PLEKHM2: variants seen among roughly 807,000 people sequenced by gnomAD.
The protein encoded by PLEKHM2 is pleckstrin homology domain-containing family M member 2.
In PLEKHM2, 77 loss-of-function variants were observed where a neutral mutation model predicts 116.3. The ratio of observed to expected loss-of-function variants is 0.66; its 90% confidence interval spans 0.55 to 0.80. The LOEUF (loss-of-function observed/expected upper bound fraction) is 0.80. Ranked by LOEUF, PLEKHM2 falls within the 30% of genes least tolerant of loss-of-function variation. PLEKHM2 has a pLI of 0.00. For missense variants in PLEKHM2, 1,183 were observed against 1,354.9 expected (o/e 0.87, Z 1.99); for synonymous variants, 562 against 571.0 (o/e 0.98, Z 0.22).
chr1:15,734,248 G>A lies in PLEKHM2; in HGVS notation c.*314G>A. The A allele has an allele frequency of 2.9e-6, 1 of 347,064 alleles. No individual in the cohort carries two copies. Among genetic ancestry groups the A allele is most frequent in the South Asian group, 4.9e-5 (1 of 20,372 alleles). The allele number at this position is 347,064 out of a possible 1,614,324, so 21.5% of individuals were successfully genotyped here. On this transcript the variant is annotated 3_prime_UTR_variant, in exon 20 of 20. Coordinates refer to ENST00000375799, the MANE Select transcript of PLEKHM2 (RefSeq NM_015164.4). ...CCTCAGTCTGCAGAATTTCTGCCGAGTGGCACCGAGAACACCATCCATCTA... is the reference window on the plus strand; with the variant it reads ...CCTCAGTCTGCAGAATTTCTGCCGAATGGCACCGAGAACACCATCCATCTA...
chr1:15,733,809 C>T lies in PLEKHM2; in HGVS notation c.2935C>T (p.His979Tyr), dbSNP rs756795422. 9.3e-6 allele frequency: 15 copies of T among 1,612,878 alleles called. No individual in the cohort carries two copies. The highest frequency in any genetic ancestry group is 3.3e-5 in the South Asian group (3 of 91,082). The change falls in exon 20 of 20, where the codon CAC becomes TAC. Residue 979 changes from histidine to tyrosine, a missense_variant. Transcript: ENST00000375799. The part of the protein sequence containing the change: ...WKTIYQVDLP[H>Y]TAIQEASNKK... ...CGCCCCAACACAGGTGGACCTCCCC[C>T]ACACGGCGATCCAGGAAGCCTCCAA...
chr1:15,683,508 G>A (rs962626859), upstream of PLEKHM2, among the ~76,000 whole-genome samples: 1 of 151,072 alleles, frequency 6.6e-6, no homozygotes, highest in African/African-American at 2.4e-5. Context: ...GGGGTCTCAG[G>A]GTCTGTGGGG....
At chr1:15,696,499 C>T (rs557478759) in intron 1 of PLEKHM2, among the ~76,000 whole-genome samples, 13 of 152,052 alleles carry the variant, frequency 8.5e-5, no homozygotes, top group Non-Finnish European at 1.9e-4. Flanking sequence ...TATAGGCGCC[C>T]GCCACCACGC....
upstream of PLEKHM2, chr1:15,681,543 T>A (rs775455855): frequency 1.1e-5 from 5 of 474,520 alleles, no homozygotes; most frequent in Non-Finnish European, 2.1e-5. Context: ...GGCCTGCTAT[T>A]CAACAGCAGA....
At position 15,734,226 on chromosome 1, in the gene PLEKHM2, C is replaced by CGGGCAGAA. The variant is rs2068191830; in HGVS notation, c.*292_*293insGGGCAGAA. 2.5e-6 allele frequency: 1 copy of CGGGCAGAA among 399,292 alleles called. No homozygotes were observed. Among genetic ancestry groups the CGGGCAGAA allele is most frequent in the Non-Finnish European group, 4.5e-6 (1 of 222,662 alleles). The allele number at this position is 399,292 out of a possible 1,614,324, so 24.7% of individuals were successfully genotyped here. ...ACGCCCTCCTCCCGGGCCTCCGCCTCAGTCTGCAGAATTTCTGCCGAGTGG... is the reference window on the plus strand; with the variant it reads ...ACGCCCTCCTCCCGGGCCTCCGCCTCGGGCAGAAAGTCTGCAGAATTTCTGCCGAGTGG... On this transcript the variant is annotated 3_prime_UTR_variant, in exon 20 of 20. Coordinates refer to ENST00000375799, the MANE Select transcript of PLEKHM2 (RefSeq NM_015164.4).
intron 4 of PLEKHM2, 95 bp from the exon 5 acceptor site, chr1:15,718,443 C>T (rs528184712): frequency 1.6e-5 from 12 of 746,072 alleles, no homozygotes; most frequent in Non-Finnish European, 2.1e-5. Flanking sequence ...GAGGACATCA[C>T]GTGTCAGATT....
At chr1:15,693,136 G>A (rs182159093) in intron 1 of PLEKHM2, among the ~76,000 whole-genome samples, 6 of 151,742 alleles carry the variant, frequency 4.0e-5, no homozygotes, top group African/African-American at 1.5e-4. Context: ...CACCTCCTGG[G>A]TTCAAGAGAT....
chr1:15,717,881 CTT>C lies in PLEKHM2; in HGVS notation c.278-10_278-9del. 1 of 1,563,118 alleles carries C rather than the reference CTT, an allele frequency of 6.4e-7. No individual in the cohort carries two copies. The highest frequency in any genetic ancestry group is 8.7e-7 in the Non-Finnish European group (1 of 1,147,290). ...AGGCCTTCCTGCCGGTTACTCCTGCCTTTGTTTGCAGGCCGTGCCTGGCTGTA... is the reference window on the plus strand; with the variant it reads ...AGGCCTTCCTGCCGGTTACTCCTGCCTGTTTGCAGGCCGTGCCTGGCTGTA... On this transcript the variant is annotated splice_polypyrimidine_tract_variant and intron_variant, in intron 3 of 19. Transcript: ENST00000375799.
chr1:15,725,333 C>T lies in PLEKHM2; in HGVS notation c.729C>T (p.Asp243=). 1 of 1,551,024 alleles carries T rather than the reference C, an allele frequency of 6.4e-7. No individual in the cohort carries two copies. Among genetic ancestry groups the T allele is most frequent in the Non-Finnish European group, 8.7e-7 (1 of 1,146,760 alleles). The change falls in exon 8 of 20, where the codon GAC becomes GAT. Residue 243 remains aspartate, a synonymous_variant. Transcript: ENST00000375799. ...STDWEDGDLT[D]TVSGPRSTAS... ...TCCTCCCAGATGGAGACCTCACAGA[C>T]ACGGTCAGTGGTCCCCGCTCCACAG... is the stretch of plus-strand genomic sequence containing the variant.
At chr1:15,720,238 G>A (rs989503257) in intron 6 of PLEKHM2, 51 of 591,558 alleles carry the variant, frequency 8.6e-5, no homozygotes, top group African/African-American at 1.0e-4. Context: ...AGGTTTAGCA[G>A]TGGGACCTGG....
At position 15,733,835 on chromosome 1, in the gene PLEKHM2, C is replaced by T. The variant is rs189025469; in HGVS notation, c.2961C>T (p.Asn987=). The T allele has an allele frequency of 4.3e-6, 7 of 1,613,154 alleles. No individual in the cohort carries two copies. Among genetic ancestry groups the T allele is most frequent in the Non-Finnish European group, 5.9e-6 (7 of 1,179,852 alleles). Residue 987 remains asparagine, a synonymous_variant, in exon 20 of 20, where the codon AAC becomes AAT. Transcript: ENST00000375799. The part of the protein sequence containing the change: ...LPHTAIQEAS[N]KKKFEDALSL... ...ACACGGCGATCCAGGAAGCCTCCAACAAGAAGAAATTCGAGGATGCCTTGA... is the reference window on the plus strand; with the variant it reads ...ACACGGCGATCCAGGAAGCCTCCAATAAGAAGAAATTCGAGGATGCCTTGA...
chr1:15,732,335 C>G lies in PLEKHM2; in HGVS notation c.2626-15C>G, dbSNP rs757040654. The G allele has an allele frequency of 6.5e-6, 10 of 1,546,560 alleles. No individual in the cohort carries two copies. In the South Asian group the frequency reaches 1.2e-4, roughly 19 times the overall value. On this transcript the variant is annotated splice_polypyrimidine_tract_variant and intron_variant, in intron 17 of 19. Transcript: ENST00000375799. ...CTGGAGGCCCCAGCCTGCCTCTCCCCTGCCCCGCTGCCAGGTCATCCCCCA... is the reference window on the plus strand; with the variant it reads ...CTGGAGGCCCCAGCCTGCCTCTCCCGTGCCCCGCTGCCAGGTCATCCCCCA...
intron 1 of PLEKHM2, among the ~76,000 whole-genome samples, chr1:15,705,338 T>C (rs768487548): frequency 1.3e-5 from 2 of 151,828 alleles, no homozygotes; most frequent in South Asian, 2.1e-4. Flanking sequence ...CGTGCCATCA[T>C]GTCCGACTAA....
chr1:15,706,467 ACGATCTCGGCTCACTGCAACCTCTGC>A (rs367910381), intron 1 of PLEKHM2, among the ~76,000 whole-genome samples: 3,875 of 152,190 alleles, frequency 0.025, 168 homozygotes, highest in African/African-American at 0.087. Context: ...GTGCAGTGGC[ACGATCTCGGCTCACTGCAACCTCTGC>A]CTCCCAGGTT....
upstream of PLEKHM2, among the ~76,000 whole-genome samples, chr1:15,683,768 A>AG (rs1006723391): frequency 2.6e-5 from 2 of 75,770 alleles, no homozygotes; most frequent in Non-Finnish European, 5.3e-5. Flanking sequence ...CTGAGGTCCC[A>AG]GGGGGGAGTC....
In PLEKHM2 at chr1:15,729,832, A is replaced by G. The variant is rs375148841; in HGVS notation, c.2111A>G (p.Lys704Arg). The part of the protein sequence containing the change: ...FLASLKSAMI[K>R]GCREPPYPSI... Reference sequence around the variant, plus strand: ...GCTTCTTTGAAGTCAGCCATGATCAAAGGCTGTCGAGAACCTCCCTACCCC... The same window carrying G: ...GCTTCTTTGAAGTCAGCCATGATCAGAGGCTGTCGAGAACCTCCCTACCCC... Residue 704 changes from lysine (K) to arginine (R), a missense_variant, in exon 14 of 20, where the codon AAA becomes AGA. Around this residue, in one of 3 missense-constraint regions of PLEKHM2, gnomAD observed 594 missense variants for 720.1 expected, o/e 0.82. Coordinates refer to ENST00000375799, the MANE Select transcript of PLEKHM2 (RefSeq NM_015164.4). This position sits in a 1 kb window ranked among gnomAD's most constrained non-coding sequence, Gnocchi z 4.7. The G allele has an allele frequency of 1.9e-6, 3 of 1,613,234 alleles. No individual in the cohort carries two copies. The African/African-American group carries it at 4.0e-5, about 22-fold the overall frequency.
intron 7 of PLEKHM2, among the ~76,000 whole-genome samples, chr1:15,723,841 C>T (rs1014701523): frequency 2.0e-5 from 3 of 152,174 alleles, no homozygotes; most frequent in African/African-American, 7.2e-5. Flanking sequence ...CTGGTTGGGC[C>T]CCCAGTGGGG....
Position 15,728,823 on chromosome 1 carries a change from C to T in PLEKHM2, c.1986+90C>T. ...TAGAACTGCAGGGCGAGGCACGGCC[C>T]CTTACTCCCCTCCCGGGGTTGGGCA... is the stretch of plus-strand genomic sequence containing the variant. On this transcript the variant is annotated intron_variant, in intron 12 of 19. Transcript: ENST00000375799. This position sits in a 1 kb window ranked among gnomAD's most constrained non-coding sequence, Gnocchi z 5.9. 1 of 1,194,224 alleles carries T rather than the reference C, an allele frequency of 8.4e-7. No individual in the cohort carries two copies. The highest frequency in any genetic ancestry group is 1.3e-5 in the South Asian group (1 of 76,624). 74.0% of individuals were successfully genotyped at this position (1,194,224 alleles called of 1,614,324 possible).
At chr1:15,695,470 A>G (rs1051118602) in intron 1 of PLEKHM2, among the ~76,000 whole-genome samples, 1 of 152,128 alleles carries the variant, frequency 6.6e-6, no homozygotes, top group East Asian at 1.9e-4. Context: ...GCATGTTTAC[A>G]TGTGTTTCCT....
Sources: gnomAD v4.1 joint callset for allele counts (sites outside exome capture counted in the v4.1 genomes callset) on GRCh38, gnomAD v4.1.1 for gene constraint, gnomAD v4.1.1 regional missense constraint, Gnocchi (gnomAD v3.1) non-coding constraint, MANE v1.5 for transcripts, NCBI Gene and HGNC (gene_info 2026-07-23, HGNC 2026-07-21) for gene names.